LRRC28: variants seen among roughly 807,000 people sequenced by gnomAD.
The protein encoded by LRRC28 is leucine rich repeat containing 28, also known as leucine-rich repeat-containing protein 28.
Under a neutral mutation model 45.7 loss-of-function variants are expected in LRRC28, and 39 were observed. The ratio of observed to expected loss-of-function variants is 0.85; its 90% CI spans 0.66 to 1.12. LRRC28 has a LOEUF of 1.12. Among genes scored for constraint, LRRC28 ranks in the 50% most tolerant of loss-of-function variants. LRRC28 has a pLI of 0.00. For synonymous variants in LRRC28, 206 were observed against 178.8 expected (o/e 1.15, Z -1.22); for missense variants, 435 against 438.5 (o/e 0.99, Z 0.07).
chr15:99,369,134 T>C (rs952451547), intron 9 of LRRC28, among the ~76,000 whole-genome samples: 3 of 152,206 alleles, frequency 2.0e-5, no homozygotes, highest in Non-Finnish European at 4.4e-5. Context: ...AACATTTTTA[T>C]TTCTAGCAAC....
chr15:99,303,619 A>T (rs1955064981), intron 5 of LRRC28, among the ~76,000 whole-genome samples: 1 of 152,122 alleles, frequency 6.6e-6, no homozygotes, highest in Non-Finnish European at 1.5e-5. Context: ...GGATCACTTG[A>T]GGTCAGGAGT....
At chr15:99,362,944 A>C (rs1957242677) in intron 8 of LRRC28, among the ~76,000 whole-genome samples, 162 bp from the exon 9 acceptor site, 1 of 152,238 alleles carries the variant, frequency 6.6e-6, no homozygotes, top group South Asian at 2.1e-4. Context: ...TTCATTTTCA[A>C]ATGTTAGATT....
intron 7 of LRRC28, among the ~76,000 whole-genome samples, chr15:99,357,609 G>C (rs1489578403): frequency 6.6e-6 from 1 of 152,148 alleles, no homozygotes; most frequent in African/African-American, 2.4e-5. Flanking sequence ...TGAGGTTCTT[G>C]TTCTTGACCT....
At chr15:99,332,753 T>C (rs1366663261) in intron 5 of LRRC28, among the ~76,000 whole-genome samples, 1 of 152,180 alleles carries the variant, frequency 6.6e-6, no homozygotes, top group East Asian at 1.9e-4. Context: ...CTAATCTGTT[T>C]AATTGAGCAT....
At chr15:99,292,600 A>G (rs1409151050) in intron 5 of LRRC28, among the ~76,000 whole-genome samples, 4 of 151,506 alleles carry the variant, frequency 2.6e-5, no homozygotes, top group Admixed American at 1.3e-4. Context: ...TCCTGACCTC[A>G]TGATCCACCC....
intron 7 of LRRC28, chr15:99,355,666 T>C (rs1957026700): frequency 1.3e-5 from 2 of 151,804 alleles, no homozygotes; most frequent in South Asian, 2.1e-4. Context: ...TTGGCACATA[T>C]ACTTACTGAG....
intron 9 of LRRC28, among the ~76,000 whole-genome samples, chr15:99,376,596 A>G (rs1957642120): frequency 6.6e-6 from 1 of 152,164 alleles, no homozygotes; most frequent in Non-Finnish European, 1.5e-5. Context: ...CAGGTTTGTT[A>G]CATATGTATA....
chr15:99,283,283 C>T (rs553073122), intron 3 of LRRC28, among the ~76,000 whole-genome samples: 1 of 151,068 alleles, frequency 6.6e-6, no homozygotes, highest in African/African-American at 2.4e-5. Flanking sequence ...ACTGGTGTAC[C>T]CCTTACCCAG....
chr15:99,303,427 T>C (rs1024725873), intron 5 of LRRC28, among the ~76,000 whole-genome samples: 2 of 152,188 alleles, frequency 1.3e-5, no homozygotes, highest in Admixed American at 6.5e-5. Context: ...CATACAGATA[T>C]AAAAAATTTA....
At chr15:99,295,503 A>G (rs1462300214) in intron 5 of LRRC28, among the ~76,000 whole-genome samples, 1 of 152,198 alleles carries the variant, frequency 6.6e-6, no homozygotes, top group Non-Finnish European at 1.5e-5. Context: ...AGTCCAATGG[A>G]TGTTTGAGGA....
intron 5 of LRRC28, among the ~76,000 whole-genome samples, chr15:99,314,261 A>G (rs1388978831): frequency 2.0e-5 from 3 of 152,008 alleles, no homozygotes; most frequent in Non-Finnish European, 4.4e-5. Flanking sequence ...CCTGGGGAAC[A>G]TGATGAAACC....
At chr15:99,267,251 A>T (rs1238717879) in intron 2 of LRRC28, among the ~76,000 whole-genome samples, 1 of 152,148 alleles carries the variant, frequency 6.6e-6, no homozygotes, top group Non-Finnish European at 1.5e-5. Flanking sequence ...TAGGAAAGTC[A>T]CACAACTATA....
At chr15:99,380,294 GC>G in intron 9 of LRRC28, among the ~76,000 whole-genome samples, 1 of 152,190 alleles carries the variant, frequency 6.6e-6, no homozygotes, top group Non-Finnish European at 1.5e-5. Context: ...TTATGTAATG[GC>G]CTTCTTTGTC....
intron 3 of LRRC28, among the ~76,000 whole-genome samples, chr15:99,286,121 TTTTG>T (rs1322231491): frequency 5.3e-5 from 8 of 152,168 alleles, no homozygotes; most frequent in African/African-American, 9.7e-5. Context: ...TTTATAAATT[TTTTG>T]TTTGTTTGTT....
chr15:99,264,545 C>T (rs886749089), intron 2 of LRRC28, among the ~76,000 whole-genome samples: 5 of 152,134 alleles, frequency 3.3e-5, no homozygotes, highest in Admixed American at 6.5e-5. Flanking sequence ...TCCACTTCAG[C>T]GGGAGCAGCT....
chr15:99,265,966 A>T (rs1191561612), intron 2 of LRRC28, among the ~76,000 whole-genome samples: 2 of 152,194 alleles, frequency 1.3e-5, no homozygotes, highest in African/African-American at 4.8e-5. Flanking sequence ...AGCTCTCACT[A>T]CTTGCTAATT....
intron 7 of LRRC28, 175 bp from the exon 8 acceptor site, chr15:99,361,161 G>A (rs1223691838): frequency 1.5e-6 from 1 of 686,978 alleles, no homozygotes; most frequent in Non-Finnish European, 2.3e-6. Context: ...AGTTTAGATT[G>A]CTGGGCCAGG....
intron 5 of LRRC28, among the ~76,000 whole-genome samples, chr15:99,323,077 A>G (rs1167243742): frequency 6.6e-6 from 1 of 152,148 alleles, no homozygotes; most frequent in Non-Finnish European, 1.5e-5. Flanking sequence ...GCTTTTGTAG[A>G]TTCTCTTTCC....
chr15:99,288,297 T>C lies in LRRC28; in HGVS notation c.385+346T>C, dbSNP rs148335254. Reference sequence around the variant, plus strand: ...AGGTGAACTTTGCGTGATATAATCATTTTACTATCCAAAAGTCAAATGCAT... The same window carrying C: ...AGGTGAACTTTGCGTGATATAATCACTTTACTATCCAAAAGTCAAATGCAT... On this transcript the variant is annotated intron_variant, in intron 5 of 9. Transcript: ENST00000301981. Among the ~76,000 whole-genome samples the C allele has an allele frequency of 1.9e-3, 288 of 152,112 alleles. 1 individual carries two copies. The highest frequency in any genetic ancestry group is 3.4e-3 in the Non-Finnish European group (234 of 67,966).
Sources: allele counts gnomAD v4.1 joint callset (sites outside exome capture counted in the v4.1 genomes callset), GRCh38; gene constraint gnomAD v4.1.1; transcripts MANE v1.5; gene names NCBI Gene and HGNC (gene_info 2026-07-23, HGNC 2026-07-21).